Variants in GABRG2 observed in about 807,000 individuals in gnomAD.
GABRG2 encodes gamma-aminobutyric acid type A receptor subunit gamma2.
GABRG2 carries 16 observed loss-of-function variants against 56.4 expected under a neutral mutation model. That is an observed-to-expected ratio of 0.28 (90% CI 0.19 to 0.43). GABRG2 has a LOEUF of 0.43. GABRG2 is among the 20% of genes least tolerant of loss of function. The pLI is 1.00. For missense variants in GABRG2, 327 were observed against 582.7 expected (o/e 0.56, Z 4.52); for synonymous variants, 208 against 205.5 (o/e 1.01, Z -0.10).
intron 1 of GABRG2, among the ~76,000 whole-genome samples, chr5:162,081,919 TG>T (rs1055833414): frequency 1.6e-4 from 24 of 152,068 alleles, no homozygotes; most frequent in African/African-American, 5.8e-4. Flanking sequence ...AATATTTACA[TG>T]GGATAATTAA....
At chr5:162,124,186 G>A (rs758475483) in intron 6 of GABRG2, among the ~76,000 whole-genome samples, 24 of 151,812 alleles carry the variant, frequency 1.6e-4, no homozygotes, top group Admixed American at 1.3e-3. Flanking sequence ...GCTATATGGC[G>A]GAATGACCAA....
At chr5:162,100,007 A>T (rs2113345290) in intron 4 of GABRG2, 1 of 152,306 alleles carries the variant, frequency 6.6e-6, no homozygotes, top group East Asian at 1.9e-4. Flanking sequence ...TATGAATAAA[A>T]CTATTCTTCC....
chr5:162,095,365 C>A, intron 2 of GABRG2, 130 bp from the exon 3 acceptor site: 1 of 675,484 alleles, frequency 1.5e-6, no homozygotes, highest in Non-Finnish European at 2.7e-6. Context: ...GAATTAGTAA[C>A]TGGTACCAAA....
At chr5:162,108,971 G>T (rs1762036084) in intron 6 of GABRG2, among the ~76,000 whole-genome samples, 1 of 152,056 alleles carries the variant, frequency 6.6e-6, no homozygotes, top group African/African-American at 2.4e-5. Context: ...ATGTGCATGT[G>T]TCTTTATAGC....
chr5:162,110,911 G>A (rs550527344), intron 6 of GABRG2, among the ~76,000 whole-genome samples: 2 of 152,240 alleles, frequency 1.3e-5, no homozygotes, highest in African/African-American at 4.8e-5. Flanking sequence ...AGAGAAAAGT[G>A]TATGAATTAT....
intron 1 of GABRG2, among the ~76,000 whole-genome samples, chr5:162,079,710 T>G (rs2113185549): frequency 6.6e-6 from 1 of 152,228 alleles, no homozygotes; most frequent in Non-Finnish European, 1.5e-5. Flanking sequence ...TTTACTTCCC[T>G]TATTGATTCT....
At chr5:162,105,202 A>G (rs1312979619) in intron 6 of GABRG2, among the ~76,000 whole-genome samples, 1 of 152,208 alleles carries the variant, frequency 6.6e-6, no homozygotes, top group African/African-American at 2.4e-5. Flanking sequence ...ACCTACACAA[A>G]GATGGAAATT....
intron 1 of GABRG2, 47 bp downstream of exon 1, chr5:162,068,153 G>A: frequency 2.2e-6 from 3 of 1,343,546 alleles, no homozygotes; most frequent in African/African-American, 1.4e-5. Context: ...AGAGGTGGGG[G>A]GAAGGTGTGG....
rs1330090068 is a variant in GABRG2 at position 162,155,203 on chromosome 5, A to G, written c.*1835A>G. Reference sequence around the variant, plus strand: ...ACCTTTAATATATCAGTGCTCCAGTATATAACCTCAAACAAATGTAAATAG... The same window carrying G: ...ACCTTTAATATATCAGTGCTCCAGTGTATAACCTCAAACAAATGTAAATAG... On this transcript the variant is annotated 3_prime_UTR_variant, in exon 10 of 10. Coordinates refer to ENST00000639213, the MANE Select transcript of GABRG2 (RefSeq NM_198904.4). 1 of 152,544 alleles carries G rather than the reference A, an allele frequency of 6.6e-6. No homozygotes were observed. The highest frequency in any genetic ancestry group is 2.4e-5 in the African/African-American group (1 of 41,432). 9.4% of individuals were successfully genotyped at this position (152,544 alleles called of 1,614,324 possible). A position where few individuals can be genotyped will look rare whatever the true frequency, so the allele number is the denominator to read the frequency against.
At chr5:162,137,873 C>T (rs545987996) in intron 6 of GABRG2, among the ~76,000 whole-genome samples, 1 of 151,962 alleles carries the variant, frequency 6.6e-6, no homozygotes, top group Non-Finnish European at 1.5e-5. Flanking sequence ...CACCTCAGTC[C>T]CTGGAGTAGC....
In GABRG2 at chr5:162,153,254, A is replaced by G; in HGVS notation, c.1314A>G (p.Arg438=). ...CFEDCRTGAW[R]HGRIHIRIAK... ...AAGATTGTCGAACAGGAGCTTGGAGACATGGGAGGATACATATCCGCATTG... is the reference window on the plus strand; with the variant it reads ...AAGATTGTCGAACAGGAGCTTGGAGGCATGGGAGGATACATATCCGCATTG... The change falls in exon 10 of 10, where the codon AGA becomes AGG. Residue 438 remains arginine, a synonymous_variant. Transcript: ENST00000639213. 1.2e-6 allele frequency: 2 copies of G among 1,614,064 alleles called. No individual in the cohort carries two copies. The highest frequency in any genetic ancestry group is 2.2e-5 in the South Asian group (2 of 91,080).
intron 1 of GABRG2, among the ~76,000 whole-genome samples, chr5:162,077,984 T>C (rs984458970): frequency 6.6e-6 from 1 of 151,952 alleles, no homozygotes; most frequent in African/African-American, 2.4e-5. Context: ...GCCATAGTCT[T>C]TACAAGAAAG....
rs577817884 is a variant in GABRG2, at chr5:162,154,548, C to T, written c.*1180C>T. The T allele has an allele frequency of 6.6e-6, 1 of 152,220 alleles. No individual in the cohort carries two copies. Among genetic ancestry groups the T allele is most frequent in the African/African-American group, 2.4e-5 (1 of 41,552 alleles). 9.4% of individuals were successfully genotyped at this position (152,220 alleles called of 1,614,324 possible). On this transcript the variant is annotated 3_prime_UTR_variant, in exon 10 of 10. Coordinates refer to ENST00000639213, the MANE Select transcript of GABRG2 (RefSeq NM_198904.4). ...AAAATAACCAGTAGGATCCAAAGAACTTTAGCTATTTATGTTCATCTTCAA... is the reference window on the plus strand; with the variant it reads ...AAAATAACCAGTAGGATCCAAAGAATTTTAGCTATTTATGTTCATCTTCAA...
rs138179827 is a variant in GABRG2, at chr5:162,127,656, G to A, written c.770-14508G>A. On this transcript the variant is annotated intron_variant, in intron 6 of 9. Coordinates refer to ENST00000639213, the MANE Select transcript of GABRG2 (RefSeq NM_198904.4). ...ATACCAAAACCCCATTATTAAATATGTTGTCTCCTGAATTCACCGTATTTT... is the reference window on the plus strand; with the variant it reads ...ATACCAAAACCCCATTATTAAATATATTGTCTCCTGAATTCACCGTATTTT... Among the ~76,000 whole-genome samples, 6 of 151,992 alleles carry A rather than the reference G, an allele frequency of 3.9e-5. No homozygotes were observed. The East Asian group carries it at 9.7e-4, about 25-fold the overall frequency.
At chr5:162,094,013 A>G in intron 2 of GABRG2, 34 bp downstream of exon 2, 1 of 1,604,392 alleles carries the variant, frequency 6.2e-7, no homozygotes, top group Non-Finnish European at 8.5e-7. Flanking sequence ...TGCTATAGAT[A>G]GGAGCACATA....
intron 6 of GABRG2, among the ~76,000 whole-genome samples, chr5:162,118,140 C>T (rs1358076095): frequency 6.6e-6 from 1 of 151,162 alleles, no homozygotes; most frequent in Non-Finnish European, 1.5e-5. Context: ...CTTTTTCTGC[C>T]ATCCATGGTA....
rs1753804430 is a variant in GABRG2, at chr5:162,155,445, GT to G, written c.*2078del. The stretch of plus-strand genomic sequence containing the variant: ...TAATACTTATTATAAGCTGCTCCCT[GT>G]CTATGTATTTGGAAACCTTTTCACA... On this transcript the variant is annotated 3_prime_UTR_variant, in exon 10 of 10. Coordinates refer to ENST00000639213, the MANE Select transcript of GABRG2 (RefSeq NM_198904.4). 6.6e-6 allele frequency: 1 copy of G among 152,046 alleles called. No individual in the cohort carries two copies. Among genetic ancestry groups the G allele is most frequent in the Non-Finnish European group, 1.5e-5 (1 of 67,948 alleles). 9.4% of individuals were successfully genotyped at this position (152,046 alleles called of 1,614,324 possible).
intron 6 of GABRG2, among the ~76,000 whole-genome samples, chr5:162,111,601 T>C (rs937679557): frequency 6.6e-6 from 1 of 152,192 alleles, no homozygotes; most frequent in Non-Finnish European, 1.5e-5. Flanking sequence ...CAATGGATTT[T>C]ATGACTTTCT....
chr5:162,101,113 ACT>A (rs1477091836), intron 4 of GABRG2, 120 bp from the exon 5 acceptor site: 1 of 736,482 alleles, frequency 1.4e-6, no homozygotes, highest in Admixed American at 2.0e-5. Context: ...ATTGGGGATC[ACT>A]CTGTGTTTTC....
Sources: allele counts gnomAD v4.1 joint callset (sites outside exome capture counted in the v4.1 genomes callset), GRCh38; gene constraint gnomAD v4.1.1; transcripts MANE v1.5; gene names NCBI Gene and HGNC (gene_info 2026-07-23, HGNC 2026-07-21).